DACH1: variants seen among roughly 807,000 people sequenced by gnomAD.
DACH1 encodes dachshund family transcription factor 1.
A neutral mutation model predicts 54.2 loss-of-function variants in DACH1; 12 were observed. The observed-to-expected ratio is 0.22, with a 90% CI of 0.14 to 0.36. DACH1 has a LOEUF of 0.36. DACH1 is among the 10% of genes least tolerant of loss of function. DACH1 has a pLI of 1.00. For missense variants in DACH1, 805 were observed against 929.8 expected (o/e 0.87, Z 1.75); for synonymous variants, 386 against 366.2 (o/e 1.05, Z -0.62).
chr13:71,446,276 G>A (rs997852005), intron 10 of DACH1, among the ~76,000 whole-genome samples: 1 of 152,146 alleles, frequency 6.6e-6, no homozygotes, highest in Admixed American at 6.6e-5. Flanking sequence ...GTATGTGTTT[G>A]ACGCAGAAAA....
intron 10 of DACH1, among the ~76,000 whole-genome samples, chr13:71,458,613 C>G (rs947814546): frequency 6.6e-6 from 1 of 151,764 alleles, no homozygotes; most frequent in Admixed American, 6.6e-5. Context: ...GCCAACAAAG[C>G]TAAAAATGAG....
chr13:71,761,591 A>G (rs1885403466), intron 1 of DACH1, among the ~76,000 whole-genome samples: 1 of 152,128 alleles, frequency 6.6e-6, no homozygotes, highest in African/African-American at 2.4e-5. Context: ...TGAAACACAG[A>G]CTTCTCAAAC....
rs1026874848 is a variant in DACH1 at position 71,867,076 on chromosome 13, G to A, written c.-307C>T. 1 of 216,508 alleles carries A rather than the reference G, an allele frequency of 4.6e-6. No homozygotes were observed. The highest frequency in any genetic ancestry group is 9.0e-6 in the Non-Finnish European group (1 of 111,664). 13.4% of individuals were successfully genotyped at this position (216,508 alleles called of 1,614,324 possible). The stretch of plus-strand genomic sequence containing the variant: ...GCTGGTTTGGGGGTGGGGGTGGGGC[G>A]GGGAGGGTCGGCTGTTGTTGTGTGG... On this transcript the variant is annotated 5_prime_UTR_variant, in exon 1 of 11. Transcript: ENST00000613252.
intron 1 of DACH1, among the ~76,000 whole-genome samples, chr13:71,683,598 G>C (rs57974138): frequency 0.19 from 28,774 of 151,958 alleles, 6,607 homozygotes; most frequent in African/African-American, 0.54. Context: ...GCTTGTCTTT[G>C]TGTTTTCTTA....
chr13:71,489,113 T>C lies in DACH1; in HGVS notation c.1606A>G (p.Ser536Gly), dbSNP rs950131167. Residue 536 changes from serine (S) to glycine (G), a missense_variant, in exon 7 of 11, where the codon AGC becomes GGC. Physicochemically the swap from Ser to Gly is moderately conservative, Grantham distance 56. Coordinates refer to ENST00000613252, the MANE Select transcript of DACH1 (RefSeq NM_080759.6). ...TPLSTPTARDSLDKLSLTGHG... is the reference protein window; with the variant it reads ...TPLSTPTARDGLDKLSLTGHG... ...CCAGTTAGAGAGAGTTTGTCAAGGC[T>C]GTCTCTTGCGGTTGGTGTAGAAAGC... 6.2e-7 allele frequency: 1 copy of C among 1,613,736 alleles called. No homozygotes were observed. Among genetic ancestry groups the C allele is most frequent in the Non-Finnish European group, 8.5e-7 (1 of 1,179,726 alleles).
intron 1 of DACH1, among the ~76,000 whole-genome samples, chr13:71,712,891 G>GT (rs1882790998): frequency 6.6e-6 from 1 of 152,024 alleles, no homozygotes; most frequent in Non-Finnish European, 1.5e-5. Flanking sequence ...TTATAGCAAT[G>GT]ACTCTAGCAG....
intron 3 of DACH1, among the ~76,000 whole-genome samples, chr13:71,576,182 A>C (rs556790853): frequency 3.3e-5 from 5 of 152,044 alleles, no homozygotes; most frequent in Non-Finnish European, 7.4e-5. Context: ...AACATTTGGC[A>C]GGGGAAGACA....
chr13:71,720,776 A>G (rs1053275401), intron 1 of DACH1, among the ~76,000 whole-genome samples: 2 of 152,168 alleles, frequency 1.3e-5, no homozygotes, highest in Non-Finnish European at 2.9e-5. Flanking sequence ...GATAGCAGAC[A>G]GTTATGTTCT....
chr13:71,446,253 T>G (rs2138104397), intron 10 of DACH1, among the ~76,000 whole-genome samples: 1 of 152,330 alleles, frequency 6.6e-6, no homozygotes. Context: ...CTACATTGTC[T>G]TTGGTTCTTT....
At chr13:71,661,202 T>C (rs1457876434) in intron 2 of DACH1, among the ~76,000 whole-genome samples, 1 of 151,424 alleles carries the variant, frequency 6.6e-6, no homozygotes, top group African/African-American at 2.4e-5. Flanking sequence ...AATTTTAATT[T>C]TGTTACATTG....
intron 1 of DACH1, among the ~76,000 whole-genome samples, chr13:71,863,075 G>T (rs975311666): frequency 6.6e-6 from 1 of 151,846 alleles, no homozygotes; most frequent in Admixed American, 6.6e-5. Context: ...GAATAAAAAA[G>T]GTTCTTCACA....
intron 3 of DACH1, among the ~76,000 whole-genome samples, chr13:71,622,545 G>A (rs982111445): frequency 2.0e-4 from 30 of 151,646 alleles, no homozygotes; most frequent in Admixed American, 5.9e-4. Context: ...ATATGACCTG[G>A]GGTTATTTTA....
chr13:71,828,396 G>C (rs1318018946), intron 1 of DACH1, among the ~76,000 whole-genome samples: 1 of 151,938 alleles, frequency 6.6e-6, no homozygotes, highest in Non-Finnish European at 1.5e-5. Context: ...TTTAACCTCT[G>C]TGAAACCTAC....
At chr13:71,475,056 A>G in intron 10 of DACH1, 85 bp downstream of exon 10, 1 of 1,217,026 alleles carries the variant, frequency 8.2e-7, no homozygotes, top group Non-Finnish European at 1.2e-6. Context: ...CCCAGATGGT[A>G]GGCTACATGC....
chr13:71,654,468 A>ATAAAATAAAATAAAATAAAATAAAG (rs1878945727), intron 2 of DACH1, among the ~76,000 whole-genome samples: 1 of 104,628 alleles, frequency 9.6e-6, no homozygotes, highest in Non-Finnish European at 1.7e-5. Flanking sequence ...GTAAAATAAA[A>ATAAAATAAAATAAAATAAAATAAAG]TAAAATAAAA....
intron 7 of DACH1, among the ~76,000 whole-genome samples, chr13:71,487,142 C>T (rs1013821753): frequency 6.6e-6 from 1 of 152,162 alleles, no homozygotes; most frequent in African/African-American, 2.4e-5. Flanking sequence ...TGAGCCACGG[C>T]ACCCGACCCT....
chr13:71,500,429 A>G (rs1879814417), intron 6 of DACH1, among the ~76,000 whole-genome samples: 1 of 152,168 alleles, frequency 6.6e-6, no homozygotes, highest in Admixed American at 6.6e-5. Context: ...CTATGTGAAT[A>G]AAACAGAACG....
chr13:71,631,940 A>G (rs1463053250), intron 2 of DACH1, among the ~76,000 whole-genome samples: 1 of 152,066 alleles, frequency 6.6e-6, no homozygotes, highest in Non-Finnish European at 1.5e-5. Context: ...CTCTACAAAA[A>G]ATACAAAAAG....
chr13:71,483,600 T>C (rs1224309626), intron 7 of DACH1, among the ~76,000 whole-genome samples: 1 of 149,030 alleles, frequency 6.7e-6, no homozygotes, highest in Non-Finnish European at 1.5e-5. Context: ...ATAAGGAAAC[T>C]ATTATTTTAT....
Sources: gnomAD v4.1 joint callset for allele counts (sites outside exome capture counted in the v4.1 genomes callset) on GRCh38, gnomAD v4.1.1 for gene constraint, MANE v1.5 for transcripts, NCBI Gene and HGNC (gene_info 2026-07-23, HGNC 2026-07-21) for gene names.